Variants in KANSL1L observed in about 807,000 individuals in gnomAD.
KANSL1L encodes KAT8 regulatory NSL complex subunit 1-like protein.
Under a neutral mutation model 108.6 loss-of-function variants are expected in KANSL1L, and 25 were observed. The observed-to-expected ratio is 0.23, with a 90% CI of 0.17 to 0.32. The LOEUF is 0.32. KANSL1L is among the 10% of genes least tolerant of loss of function. KANSL1L has a pLI of 1.00. For missense variants in KANSL1L, 1,137 were observed against 1,125.7 expected, an observed-to-expected ratio of 1.01 and a Z score of -0.14; for synonymous variants, 405 against 395.1, an observed-to-expected ratio of 1.03 and a Z score of -0.30.
At chr2:210,028,791 T>C in intron 11 of KANSL1L, 54 bp downstream of exon 11, 1 of 1,301,842 alleles carries the variant, frequency 7.7e-7, no homozygotes, top group Non-Finnish European at 1.1e-6. Context: ...CTTTGAAAAT[T>C]TAAGTTTATT....
intron 2 of KANSL1L, among the ~76,000 whole-genome samples, chr2:210,150,797 A>G: frequency 6.6e-6 from 1 of 151,596 alleles, no homozygotes; most frequent in Non-Finnish European, 1.5e-5. Context: ...AAAAAAAAAA[A>G]GAAAAAAGAA....
chr2:210,161,791 G>T (rs1445571225), intron 1 of KANSL1L, among the ~76,000 whole-genome samples: 2 of 151,754 alleles, frequency 1.3e-5, no homozygotes, highest in Admixed American at 6.6e-5. Flanking sequence ...ATTTTTTTAG[G>T]TATTATTTCA....
At chr2:210,057,832 T>G (rs1238172745) in intron 6 of KANSL1L, among the ~76,000 whole-genome samples, 1 of 152,258 alleles carries the variant, frequency 6.6e-6, no homozygotes, top group Non-Finnish European at 1.5e-5. Flanking sequence ...AATACCCTTG[T>G]GATTTCCTAT....
intron 3 of KANSL1L, among the ~76,000 whole-genome samples, chr2:210,125,449 A>G (rs1233760914): frequency 6.6e-6 from 1 of 152,196 alleles, no homozygotes; most frequent in African/African-American, 2.4e-5. Context: ...AGGAAGGAAC[A>G]CTTCTTAATT....
intron 3 of KANSL1L, among the ~76,000 whole-genome samples, chr2:210,107,931 G>A (rs1477673560): frequency 3.9e-5 from 6 of 152,138 alleles, no homozygotes; most frequent in African/African-American, 1.4e-4. Context: ...AGCACTTATT[G>A]AAACAGGATA....
intron 8 of KANSL1L, among the ~76,000 whole-genome samples, chr2:210,035,816 G>T (rs2094094816): frequency 6.6e-6 from 1 of 152,148 alleles, no homozygotes; most frequent in Non-Finnish European, 1.5e-5. Flanking sequence ...ACTGTGTCAT[G>T]TCTCCATGAC....
intron 6 of KANSL1L, 136 bp downstream of exon 6, chr2:210,075,416 A>C (rs1427460510): frequency 1.6e-6 from 1 of 630,744 alleles, no homozygotes; most frequent in African/African-American, 1.8e-5. Context: ...TATCATTTTT[A>C]AACTATATTT....
At chr2:210,113,865 C>G (rs901881608) in intron 3 of KANSL1L, among the ~76,000 whole-genome samples, 7 of 151,914 alleles carry the variant, frequency 4.6e-5, no homozygotes, top group Non-Finnish European at 1.0e-4. Flanking sequence ...GAAGCCAGGA[C>G]AGTAAAAATA....
At chr2:210,138,302 C>A (rs999199613) in intron 2 of KANSL1L, among the ~76,000 whole-genome samples, 4 of 151,560 alleles carry the variant, frequency 2.6e-5, no homozygotes, top group African/African-American at 9.7e-5. Context: ...ACGATAGACA[C>A]TGGGGACTAA....
At chr2:210,133,306 CTTT>C (rs895235497) in intron 2 of KANSL1L, among the ~76,000 whole-genome samples, 2 of 152,020 alleles carry the variant, frequency 1.3e-5, no homozygotes, top group African/African-American at 2.4e-5. Context: ...TTATTATACT[CTTT>C]TTAATTCATA....
chr2:210,023,266 G>GTAA lies in KANSL1L; in HGVS notation c.2734-90_2734-88dup, dbSNP rs145593656. 1.5e-3 allele frequency: 1,331 copies of GTAA among 875,588 alleles called. 19 individuals are homozygous for GTAA. In the East Asian group the frequency reaches 0.029, roughly 19 times the overall value. 54.2% of individuals were successfully genotyped at this position (875,588 alleles called of 1,614,324 possible). On this transcript the variant is annotated intron_variant, in intron 14 of 14. Transcript: ENST00000281772. ...CAAGTAATCTGTACATGTCTATATT[G>GTAA]TAATAATTGTTCTGTTCTTTAGCAC...
At chr2:210,071,518 C>A (rs1222934711) in intron 6 of KANSL1L, among the ~76,000 whole-genome samples, 1 of 152,122 alleles carries the variant, frequency 6.6e-6, no homozygotes, top group East Asian at 1.9e-4. Context: ...ATCCACCCCC[C>A]TCGGCCTCCC....
At chr2:210,166,605 T>C (rs984601745) in intron 1 of KANSL1L, among the ~76,000 whole-genome samples, 16 of 152,106 alleles carry the variant, frequency 1.1e-4, no homozygotes, top group Admixed American at 6.5e-5. Context: ...ATATATGCCA[T>C]GGAAAATATC....
intron 3 of KANSL1L, among the ~76,000 whole-genome samples, chr2:210,107,634 T>C (rs1017416570): frequency 1.1e-4 from 17 of 151,778 alleles, no homozygotes; most frequent in Admixed American, 6.6e-4. Flanking sequence ...GTTCACGCCA[T>C]TCTCCTGCCT....
intron 14 of KANSL1L, among the ~76,000 whole-genome samples, chr2:210,023,546 C>T (rs1298961791): frequency 6.6e-6 from 1 of 152,158 alleles, no homozygotes; most frequent in Non-Finnish European, 1.5e-5. Flanking sequence ...GAGCTTTCTG[C>T]AACTTGCCTA....
intron 3 of KANSL1L, among the ~76,000 whole-genome samples, chr2:210,112,263 A>G (rs2094913758): frequency 6.6e-6 from 1 of 152,186 alleles, no homozygotes; most frequent in Non-Finnish European, 1.5e-5. Context: ...CCTCTTTAAT[A>G]AATGGTGCTG....
At chr2:210,102,467 G>A (rs1464437373) in intron 4 of KANSL1L, among the ~76,000 whole-genome samples, 4 of 152,066 alleles carry the variant, frequency 2.6e-5, no homozygotes, top group Non-Finnish European at 5.9e-5. Context: ...TTGACAAATG[G>A]GATCTAATTA....
intron 2 of KANSL1L, among the ~76,000 whole-genome samples, chr2:210,132,547 C>T (rs2095131698): frequency 6.6e-6 from 1 of 152,172 alleles, no homozygotes; most frequent in Non-Finnish European, 1.5e-5. Context: ...TTGCAGCCAC[C>T]ACTTAACTTT....
intron 2 of KANSL1L, among the ~76,000 whole-genome samples, chr2:210,137,559 G>A (rs546922746): frequency 1.3e-5 from 2 of 152,150 alleles, no homozygotes; most frequent in South Asian, 4.1e-4. Context: ...GACATTAAAT[G>A]AAAAATATTT....
Sources: gnomAD v4.1 joint callset for allele counts (sites outside exome capture counted in the v4.1 genomes callset) on GRCh38, gnomAD v4.1.1 for gene constraint, MANE v1.5 for transcripts, NCBI Gene and HGNC (gene_info 2026-07-23, HGNC 2026-07-21) for gene names.